Variants in SYNE2 observed in about 807,000 individuals in gnomAD.
SYNE2 encodes nesprin-2.
A neutral mutation model predicts 856.3 loss-of-function variants in SYNE2; 431 were observed. The observed-to-expected ratio is 0.50, with a 90% CI of 0.47 to 0.55. SYNE2 has a LOEUF of 0.55. SYNE2 is among the 20% of genes least tolerant of loss of function. The pLI, the probability that SYNE2 is intolerant of heterozygous loss-of-function variation, is 0.00. For synonymous variants in SYNE2, 2,923 were observed against 2,872.3 expected (o/e 1.02, Z -0.56); for missense variants, 8,129 against 8,023.2 (o/e 1.01, Z -0.50).
intron 10 of SYNE2, among the ~76,000 whole-genome samples, chr14:63,965,836 T>G (rs1292091608): frequency 2.0e-5 from 3 of 152,346 alleles, no homozygotes; most frequent in East Asian, 1.9e-4. Context: ...TTCTTGACCT[T>G]CTTCCCTTAG....
chr14:63,973,013 G>A (rs2096491867), intron 11 of SYNE2, among the ~76,000 whole-genome samples: 1 of 152,178 alleles, frequency 6.6e-6, no homozygotes, highest in African/African-American at 2.4e-5. Flanking sequence ...CCAGCACTTT[G>A]GGAGGCTGAG....
chr14:64,225,649 C>T lies in SYNE2; in HGVS notation c.*123C>T, dbSNP rs1388818071. The stretch of plus-strand genomic sequence containing the variant: ...GTCCCGGGACCTGTGCAGACTTCTT[C>T]TGGGCTTACCCAGCACGGGCTCCCT... On this transcript the variant is annotated 3_prime_UTR_variant, in exon 116 of 116. Coordinates refer to ENST00000555002, the MANE Select transcript of SYNE2 (RefSeq NM_182914.3). 9.9e-6 allele frequency: 11 copies of T among 1,106,924 alleles called. No individual in the cohort carries two copies. Among genetic ancestry groups the T allele is most frequent in the South Asian group, 1.3e-5 (1 of 75,446 alleles). The allele number at this position is 1,106,924 out of a possible 1,614,324, so 68.6% of individuals were successfully genotyped here.
At chr14:63,948,776 G>GTATATATATGTATGTATATATATA (rs1239065048) in intron 6 of SYNE2, among the ~76,000 whole-genome samples, 1 of 67,600 alleles carries the variant, frequency 1.5e-5, no homozygotes, top group African/African-American at 6.6e-5. Flanking sequence ...ATATGTATGT[G>GTATATATATGTATGTATATATATA]TGTGTGTATA....
At chr14:64,038,976 A>G (rs928217870) in intron 45 of SYNE2, among the ~76,000 whole-genome samples, 1 of 152,180 alleles carries the variant, frequency 6.6e-6, no homozygotes, top group African/African-American at 2.4e-5. Context: ...GGCAGATGGC[A>G]GAGGAGAGTG....
In SYNE2 at chr14:63,814,508, AT is replaced by A. The variant is rs1888766395; in HGVS notation, c.-304-37992del. 5.2e-5 allele frequency among the ~76,000 whole-genome samples: 6 copies of A among 115,754 alleles called. No individual in the cohort carries two copies. In the South Asian group the frequency reaches 1.7e-3, roughly 33 times the overall value. 75.9% of individuals were successfully genotyped at this position (115,754 alleles called of 152,430 possible). On this transcript the variant is annotated intron_variant, in intron 1 of 23. Coordinates refer to the SYNE2 transcript ENST00000674003. Reference sequence around the variant, plus strand: ...CCTTATATATATCCATATATATAATATATATATCCATTATATATATCCATAT... The same window carrying A: ...CCTTATATATATCCATATATATAATAATATATCCATTATATATATCCATAT...
chr14:64,175,122 T>C lies in SYNE2; in HGVS notation c.17414T>C (p.Phe5805Ser). 2 of 1,614,020 alleles carry C rather than the reference T, an allele frequency of 1.2e-6. No individual in the cohort carries two copies. The highest frequency in any genetic ancestry group is 1.3e-5 in the African/African-American group (1 of 75,044). ...CAGCTGGCAGAGATGATTAAGCAGT[T>C]CCAGAGCACTGTAGAGGTAAACTCA... Reference protein sequence around the residue: ...EPQLAEMIKQFQSTVETWDQC... With the variant: ...EPQLAEMIKQSQSTVETWDQC... Residue 5805 changes from phenylalanine (F) to serine (S), a missense_variant, in exon 95 of 116, where the codon TTC becomes TCC. Phe to Ser is a radical substitution (Grantham distance 155). Transcript: ENST00000555002.
chr14:64,191,220 ATCT>A (rs1377777188), intron 99 of SYNE2: 7 of 263,132 alleles, frequency 2.7e-5, no homozygotes, highest in African/African-American at 9.1e-5. Flanking sequence ...TAAGTTTGGC[ATCT>A]TCTTTACCTC....
chr14:64,147,813 T>C (rs931494921), intron 84 of SYNE2, among the ~76,000 whole-genome samples: 8 of 152,196 alleles, frequency 5.3e-5, no homozygotes, highest in Non-Finnish European at 1.2e-4. Flanking sequence ...CCAGAATCCT[T>C]GGAGTTTAAA....
At position 63,974,886 on chromosome 14, in the gene SYNE2, G is replaced by GTATATATA. The variant is rs1315971121; in HGVS notation, c.1129-1676_1129-1675insATATATAT. On this transcript the variant is annotated intron_variant, in intron 11 of 115. Transcript: ENST00000555002. ...TGTGTGTGTGTGTGTGTGTGTGTGT[G>GTATATATA]TGTGTGTATATATATATATATATAT... Among the ~76,000 whole-genome samples, 13 of 26,272 alleles carry GTATATATA rather than the reference G, an allele frequency of 4.9e-4. No homozygotes were observed. In the East Asian group the frequency reaches 5.5e-3, roughly 11 times the overall value. The allele number at this position is 26,272 out of a possible 152,430, so 17.2% of individuals were successfully genotyped here.
intron 1 of SYNE2, among the ~76,000 whole-genome samples, chr14:63,812,604 A>G (rs547386895): frequency 6.6e-6 from 1 of 152,306 alleles, no homozygotes; most frequent in Non-Finnish European, 1.5e-5. Flanking sequence ...AAATCTTCAC[A>G]ATTTATGTTC....
At chr14:63,931,411 G>A (rs1013300766) in intron 2 of SYNE2, among the ~76,000 whole-genome samples, 4 of 151,880 alleles carry the variant, frequency 2.6e-5, no homozygotes, top group African/African-American at 4.8e-5. Flanking sequence ...TTAGCCGGGC[G>A]TGGTGGAGGG....
chr14:63,957,186 C>T (rs2096251272), intron 8 of SYNE2, among the ~76,000 whole-genome samples: 1 of 151,780 alleles, frequency 6.6e-6, no homozygotes. Context: ...CAACCTCCAC[C>T]TCCTGGGTTA....
intron 83 of SYNE2, among the ~76,000 whole-genome samples, chr14:64,144,881 C>A (rs2098168446): frequency 6.7e-6 from 1 of 148,920 alleles, no homozygotes; most frequent in Admixed American, 6.7e-5. Context: ...GGGAATAGTT[C>A]ATCGAATTAT....
chr14:64,202,388 G>A (rs1352647777), intron 99 of SYNE2: 9 of 670,104 alleles, frequency 1.3e-5, no homozygotes, highest in East Asian at 2.7e-5. Flanking sequence ...GTAGATCACC[G>A]GCTGCTGCAG....
intron 11 of SYNE2, among the ~76,000 whole-genome samples, chr14:63,968,641 A>G (rs201558605): frequency 1.3e-5 from 2 of 152,360 alleles, no homozygotes; most frequent in South Asian, 2.1e-4. Context: ...AAGAACACAT[A>G]TTCTGCAGTC....
chr14:64,171,168 A>G (rs1237284549), intron 94 of SYNE2, among the ~76,000 whole-genome samples: 1 of 152,252 alleles, frequency 6.6e-6, no homozygotes, highest in Non-Finnish European at 1.5e-5. Context: ...CCTGATGAGC[A>G]CAGGATTAGC....
At chr14:64,190,812 GC>G (rs1191455006) in intron 99 of SYNE2, 92 of 673,554 alleles carry the variant, frequency 1.4e-4, no homozygotes, top group Admixed American at 1.3e-3. Flanking sequence ...AGCTATATTG[GC>G]CAGTGCAATC....
At chr14:63,863,883 G>A (rs1036733738) in intron 1 of SYNE2, among the ~76,000 whole-genome samples, 4 of 152,092 alleles carry the variant, frequency 2.6e-5, no homozygotes, top group Non-Finnish European at 4.4e-5. Context: ...GGAGTGCAGT[G>A]GTGTGATCTT....
chr14:63,924,105 CA>C (rs1297745851), intron 2 of SYNE2, among the ~76,000 whole-genome samples: 2 of 152,016 alleles, frequency 1.3e-5, no homozygotes, highest in East Asian at 1.9e-4. Context: ...TGTGCCTGGT[CA>C]AAAAAAGTAT....
Sources: gnomAD v4.1 joint callset for allele counts (sites outside exome capture counted in the v4.1 genomes callset) on GRCh38, gnomAD v4.1.1 for gene constraint, MANE v1.5 for transcripts, NCBI Gene and HGNC (gene_info 2026-07-23, HGNC 2026-07-21) for gene names.